The following SLC35F4 variants were observed in gnomAD, a reference collection of about 807,000 sequenced individuals.
SLC35F4 encodes solute carrier family 35 member F4.
A neutral mutation model predicts 44.2 loss-of-function variants in SLC35F4; 24 were observed. The ratio of observed to expected loss-of-function variants is 0.54; its 90% CI spans 0.39 to 0.76. SLC35F4 has a LOEUF of 0.76. Ranked by LOEUF, SLC35F4 falls within the 30% of genes least tolerant of loss-of-function variation. The pLI is 0.00. For missense variants in SLC35F4, 562 were observed against 586.1 expected (o/e 0.96, Z 0.42); for synonymous variants, 238 against 223.6 (o/e 1.06, Z -0.57).
chr14:57,604,980 A>G (rs1005194518), intron 1 of SLC35F4, among the ~76,000 whole-genome samples: 2 of 152,178 alleles, frequency 1.3e-5, no homozygotes, highest in Non-Finnish European at 2.9e-5. Context: ...ACAGTTAAAT[A>G]TAAGACTTCA....
At chr14:57,830,002 A>G (rs1884182847) in intron 1 of SLC35F4, among the ~76,000 whole-genome samples, 1 of 152,178 alleles carries the variant, frequency 6.6e-6, no homozygotes, top group Non-Finnish European at 1.5e-5. Flanking sequence ...GAGAGTGTAT[A>G]AGCAAGAATA....
At chr14:57,979,545 G>A (rs377257154) in intron 1 of SLC35F4, among the ~76,000 whole-genome samples, 14 of 152,264 alleles carry the variant, frequency 9.2e-5, no homozygotes, top group African/African-American at 3.4e-4. Context: ...TTCCTCTGAA[G>A]CTACTAGACC....
intron 1 of SLC35F4, among the ~76,000 whole-genome samples, chr14:57,634,221 T>A (rs1424992985): frequency 6.6e-6 from 1 of 152,114 alleles, no homozygotes; most frequent in African/African-American, 2.4e-5. Context: ...GTGAAACTGA[T>A]CACCTATCTC....
chr14:57,866,967 A>AATAATT (rs1293332204), upstream of SLC35F4, among the ~76,000 whole-genome samples: 72 of 113,906 alleles, frequency 6.3e-4, no homozygotes, highest in Non-Finnish European at 1.1e-3. Context: ...AAATAATAAT[A>AATAATT]ATAATAATAA....
chr14:57,569,828 C>A lies in SLC35F4; in HGVS notation c.1086G>T (p.Leu362=). The change falls in exon 6 of 8, where the codon CTG becomes CTT. Residue 362 remains leucine, a synonymous_variant. Coordinates refer to ENST00000556826, the MANE Select transcript of SLC35F4 (RefSeq NM_001306087.2). The part of the protein sequence containing the change: ...KVEHWSSFAA[L]PWGCLCGMAG... ...CCATCCCACAGAGACAGCCCCATGG[C>A]AGAGCAGCAAAAGAGGACCAGTGCT... 1 of 1,611,064 alleles carries A rather than the reference C, an allele frequency of 6.2e-7. No individual in the cohort carries two copies. Among genetic ancestry groups the A allele is most frequent in the Non-Finnish European group, 8.5e-7 (1 of 1,178,672 alleles).
intron 6 of SLC35F4, among the ~76,000 whole-genome samples, chr14:57,568,153 C>T (rs931982847): frequency 1.3e-5 from 2 of 152,218 alleles, no homozygotes; most frequent in African/African-American, 4.8e-5. Flanking sequence ...CTGCAGTGCA[C>T]TGGGGTGGGC....
Position 57,628,576 on chromosome 14 carries a change from C to T in SLC35F4, c.104-34452G>A, listed in dbSNP as rs971936980. Among the ~76,000 whole-genome samples the T allele has an allele frequency of 3.3e-4, 49 of 149,062 alleles. 1 individual carries two copies. Among genetic ancestry groups the T allele is most frequent in the African/African-American group, 1.2e-3 (48 of 40,310 alleles). ...GGTTTTCTGTTCTTGTGTTAGTTTGCTGAGAATGATGGTTTCCAGCTTCAT... is the reference window on the plus strand; with the variant it reads ...GGTTTTCTGTTCTTGTGTTAGTTTGTTGAGAATGATGGTTTCCAGCTTCAT... On this transcript the variant is annotated intron_variant, in intron 1 of 7. Transcript: ENST00000556826.
At chr14:57,955,044 T>A (rs1890212052) in intron 1 of SLC35F4, among the ~76,000 whole-genome samples, 1 of 149,228 alleles carries the variant, frequency 6.7e-6, no homozygotes, top group Non-Finnish European at 1.5e-5. Flanking sequence ...AAATCCTCAG[T>A]AAAATACTGG....
At position 57,780,666 on chromosome 14, in the gene SLC35F4, C is replaced by T. The variant is rs975117155; in HGVS notation, c.103+85057G>A. 7.2e-5 allele frequency among the ~76,000 whole-genome samples: 11 copies of T among 152,200 alleles called. No individual in the cohort carries two copies. In the East Asian group the frequency reaches 7.7e-4, roughly 11 times the overall value. On this transcript the variant is annotated intron_variant, in intron 1 of 7. Transcript: ENST00000556826. ...AAAAAGAACAAAACAAGAGCCATCA[C>T]ACTACTTGACTTGAAACTATGTTAC...
At chr14:57,669,721 G>C (rs2074448664) in intron 1 of SLC35F4, among the ~76,000 whole-genome samples, 2 of 152,028 alleles carry the variant, frequency 1.3e-5, no homozygotes, top group South Asian at 4.1e-4. Flanking sequence ...TGTGCTGCTG[G>C]ATTCGGTTTG....
Position 57,835,029 on chromosome 14 carries a change from A to AAAAAC in SLC35F4, c.103+30689_103+30693dup, listed in dbSNP as rs760411424. ...GGGTAACAGAGGGAGACTCTGTCTC[A>AAAAAC]AAAACAAAACAAAACAAAACAAAAA... On this transcript the variant is annotated intron_variant, in intron 1 of 7. Coordinates refer to ENST00000556826, the MANE Select transcript of SLC35F4 (RefSeq NM_001306087.2). Among the ~76,000 whole-genome samples, 210 of 152,334 alleles carry AAAAAC rather than the reference A, an allele frequency of 1.4e-3. 1 individual carries two copies. The highest frequency in any genetic ancestry group is 2.9e-3 in the Admixed American group (44 of 15,302).
chr14:57,721,431 G>T (rs1003178170), intron 1 of SLC35F4, among the ~76,000 whole-genome samples: 1 of 152,136 alleles, frequency 6.6e-6, no homozygotes. Flanking sequence ...GGAAGAAAAT[G>T]ATGAACTCAG....
intron 1 of SLC35F4, among the ~76,000 whole-genome samples, chr14:57,704,461 G>A (rs1468403445): frequency 1.3e-5 from 2 of 152,092 alleles, no homozygotes; most frequent in Non-Finnish European, 2.9e-5. Flanking sequence ...AATGTTCATC[G>A]TTACAAAGAT....
intron 1 of SLC35F4, among the ~76,000 whole-genome samples, chr14:57,643,903 T>C (rs2073365880): frequency 6.6e-6 from 1 of 152,156 alleles, no homozygotes; most frequent in Non-Finnish European, 1.5e-5. Context: ...TTGCTGAGAA[T>C]GATGGTTTCC....
intron 1 of SLC35F4, among the ~76,000 whole-genome samples, chr14:57,708,421 A>G (rs1032824739): frequency 2.6e-5 from 4 of 152,198 alleles, no homozygotes; most frequent in Non-Finnish European, 1.5e-5. Context: ...GCTCTGTGTG[A>G]ATTACTCTTT....
chr14:57,646,659 G>C (rs930789289), intron 1 of SLC35F4, among the ~76,000 whole-genome samples: 1 of 152,046 alleles, frequency 6.6e-6, no homozygotes, highest in Non-Finnish European at 1.5e-5. Context: ...CTCACCTTCT[G>C]TTCGCTTTTG....
chr14:57,699,200 CTATT>C (rs1360712211), intron 1 of SLC35F4, among the ~76,000 whole-genome samples: 4 of 152,106 alleles, frequency 2.6e-5, no homozygotes, highest in Admixed American at 2.6e-4. Context: ...CCAATCATGA[CTATT>C]TAGCTCTCTG....
chr14:57,903,426 T>C (rs983786618), intron 1 of SLC35F4, among the ~76,000 whole-genome samples: 12 of 152,170 alleles, frequency 7.9e-5, no homozygotes, highest in South Asian at 2.1e-4. Flanking sequence ...CTTGATAACA[T>C]TGGACAATGT....
intron 1 of SLC35F4, among the ~76,000 whole-genome samples, chr14:57,777,115 T>A (rs2077507798): frequency 6.6e-6 from 1 of 152,170 alleles, no homozygotes; most frequent in African/African-American, 2.4e-5. Context: ...TGAATGTAAA[T>A]GGGCAAAATG....
Sources: allele counts gnomAD v4.1 joint callset (sites outside exome capture counted in the v4.1 genomes callset), GRCh38; gene constraint gnomAD v4.1.1; transcripts MANE v1.5; gene names NCBI Gene and HGNC (gene_info 2026-07-23, HGNC 2026-07-21).